SYNRG: variants seen among roughly 807,000 people sequenced by gnomAD.
SYNRG encodes the protein synergin gamma, also known as AP1 gamma subunit binding protein 1.
A neutral mutation model predicts 130.9 loss-of-function variants in SYNRG; 37 were observed. The ratio of observed to expected loss-of-function variants is 0.28; its 90% confidence interval spans 0.22 to 0.37. The LOEUF (loss-of-function observed/expected upper bound fraction) is 0.37. Ranked by LOEUF, SYNRG falls within the 10% of genes least tolerant of loss-of-function variation. SYNRG has a pLI of 1.00. For synonymous variants in SYNRG, 539 were observed against 568.1 expected, an observed-to-expected ratio of 0.95 and a Z score of 0.73; for missense variants, 1,338 against 1,588.9, an observed-to-expected ratio of 0.84 and a Z score of 2.68.
In SYNRG at chr17:37,553,771, G is replaced by T; in HGVS notation, c.1952C>A (p.Ser651Tyr). ...TGCCAATGCTGTCATAGTAGCAGCA[G>T]AACCTGTTGACTGTGGTGTAGAAAC... The part of the protein sequence containing the change: ...KSVSTPQSTG[S>Y]AATMTALAAT... The change falls in exon 14 of 22, where the codon TCT becomes TAT. Residue 651 changes from serine (S) to tyrosine (Y), a missense_variant. Physicochemically the swap from Ser to Tyr is moderately radical, Grantham distance 144. Transcript: ENST00000612223. 1 of 1,612,434 alleles carries T rather than the reference G, an allele frequency of 6.2e-7. No homozygotes were observed. Among genetic ancestry groups the T allele is most frequent in the African/African-American group, 1.3e-5 (1 of 74,876 alleles).
intron 14 of SYNRG, among the ~76,000 whole-genome samples, chr17:37,549,304 A>C (rs138156338): frequency 3.2e-3 from 480 of 152,276 alleles, no homozygotes; most frequent in African/African-American, 0.011. Flanking sequence ...AACCTGAAAA[A>C]CAGTAATATT....
intron 3 of SYNRG, among the ~76,000 whole-genome samples, chr17:37,586,907 T>G (rs991656510): frequency 6.6e-6 from 1 of 152,136 alleles, no homozygotes; most frequent in Non-Finnish European, 1.5e-5. Flanking sequence ...TTATATCTTA[T>G]ATATTTTCAT....
chr17:37,529,727 C>T lies in SYNRG; in HGVS notation c.3666+6252G>A, dbSNP rs2056409023. 6 of 1,514,832 alleles carry T rather than the reference C, an allele frequency of 4.0e-6. No homozygotes were observed. In the Admixed American group the frequency reaches 9.9e-5, roughly 25 times the overall value. 93.8% of individuals were successfully genotyped at this position (1,514,832 alleles called of 1,614,324 possible). A position where few individuals can be genotyped will look rare whatever the true frequency, so the allele number is the denominator to read the frequency against. On this transcript the variant is annotated intron_variant, in intron 19 of 21. Coordinates refer to ENST00000612223, the MANE Select transcript of SYNRG (RefSeq NM_007247.6). Reference sequence around the variant, plus strand: ...CAGCAGCAACCCAGGAATCTCCCCACTTATCCTTTCCCCCAAATTCACAAG... The same window carrying T: ...CAGCAGCAACCCAGGAATCTCCCCATTTATCCTTTCCCCCAAATTCACAAG...
At position 37,518,852 on chromosome 17, in the gene SYNRG, G is replaced by T. The variant is rs889417407; in HGVS notation, c.*88C>A. 7.1e-6 allele frequency: 11 copies of T among 1,542,058 alleles called. No individual in the cohort carries two copies. Among genetic ancestry groups the T allele is most frequent in the Admixed American group, 3.7e-5 (2 of 53,810 alleles). On this transcript the variant is annotated 3_prime_UTR_variant, in exon 22 of 22. Transcript: ENST00000612223. ...TCATATCGATTCAGGGAAGCGAACT[G>T]TGCAGTGCTCGCATTCTATTTATTG...
At chr17:37,544,558 G>A (rs142397179) in intron 14 of SYNRG, among the ~76,000 whole-genome samples, 6 of 152,180 alleles carry the variant, frequency 3.9e-5, no homozygotes, top group Non-Finnish European at 4.4e-5. Flanking sequence ...CAGGTGATCC[G>A]CCCGTCTCGG....
At chr17:37,536,271 T>A (rs1046081198) in intron 18 of SYNRG, 144 bp from the exon 19 acceptor site, 12 of 1,003,908 alleles carry the variant, frequency 1.2e-5, no homozygotes, top group African/African-American at 6.5e-5. Flanking sequence ...TTGGGACCAA[T>A]CCACTTCTCA....
intron 1 of SYNRG, among the ~76,000 whole-genome samples, chr17:37,606,664 T>A (rs1030285651): frequency 4.6e-5 from 7 of 151,982 alleles, no homozygotes; most frequent in Admixed American, 2.0e-4. Context: ...AAAAAAAAAA[T>A]TTATACTTCT....
intron 11 of SYNRG, among the ~76,000 whole-genome samples, chr17:37,566,142 C>T (rs1277296756): frequency 2.0e-5 from 3 of 152,236 alleles, no homozygotes; most frequent in African/African-American, 7.2e-5. Flanking sequence ...TGTGCCCAAC[C>T]GCTCATTGAG....
intron 1 of SYNRG, chr17:37,600,651 G>C (rs146901705): frequency 3.5e-4 from 214 of 607,602 alleles, no homozygotes; most frequent in African/African-American, 2.8e-3. Context: ...CTGTCACTTC[G>C]TGTCCTCTCT....
chr17:37,528,654 A>T (rs2056250968), intron 19 of SYNRG, among the ~76,000 whole-genome samples: 1 of 152,216 alleles, frequency 6.6e-6, no homozygotes, highest in Non-Finnish European at 1.5e-5. Context: ...AGAGTCCTGG[A>T]AGTTTGTATA....
intron 3 of SYNRG, among the ~76,000 whole-genome samples, chr17:37,591,047 G>C (rs1302451079): frequency 6.6e-6 from 1 of 152,024 alleles, no homozygotes; most frequent in Non-Finnish European, 1.5e-5. Flanking sequence ...ATCTGATAAA[G>C]GTAGGACATG....
chr17:37,566,017 G>A (rs1390926541), intron 11 of SYNRG, among the ~76,000 whole-genome samples: 1 of 148,402 alleles, frequency 6.7e-6, no homozygotes, highest in Admixed American at 6.7e-5. Context: ...AGGTGGGGGG[G>A]TCAGCCCCCC....
intron 4 of SYNRG, among the ~76,000 whole-genome samples, chr17:37,586,063 G>C (rs550700359): frequency 2.0e-5 from 3 of 152,038 alleles, no homozygotes; most frequent in Admixed American, 1.3e-4. Flanking sequence ...GCATGATCAC[G>C]GCTGACTGCA....
Position 37,596,285 on chromosome 17 carries a change from T to C in SYNRG, c.178A>G (p.Met60Val), listed in dbSNP as rs2062766050. The stretch of plus-strand genomic sequence containing the variant: ...TAATTCATTCCCATAATGCCTTGCA[T>C]ATTAGGCTGCATGACAGAGACCATA... ...FPMVSVMQPN[M>V]QGIMGMNYSS... The change falls in exon 3 of 22, where the codon ATG becomes GTG. Residue 60 changes from methionine (M) to valine (V), a missense_variant. Physicochemically the swap from Met to Val is conservative, Grantham distance 21 (BLOSUM62 1). Transcript: ENST00000612223. 1.2e-6 allele frequency: 2 copies of C among 1,614,076 alleles called. No individual in the cohort carries two copies. Among genetic ancestry groups the C allele is most frequent in the African/African-American group, 2.7e-5 (2 of 74,934 alleles).
At chr17:37,569,128 G>A (rs189349194) in intron 10 of SYNRG, among the ~76,000 whole-genome samples, 171 of 152,318 alleles carry the variant, frequency 1.1e-3, no homozygotes, top group African/African-American at 3.5e-3. Context: ...AGCTAATTTA[G>A]GCTGGGAGCA....
At position 37,518,911 on chromosome 17, in the gene SYNRG, A is replaced by G; in HGVS notation, c.*29T>C. 6.2e-7 allele frequency: 1 copy of G among 1,606,092 alleles called. No individual in the cohort carries two copies. The highest frequency in any genetic ancestry group is 8.5e-7 in the Non-Finnish European group (1 of 1,176,012). Reference sequence around the variant, plus strand: ...CACCCCGTGGGGTGTCACAGAAAAAAAAAAGTCAATGCTTCACAGAGGAGT... The same window carrying G: ...CACCCCGTGGGGTGTCACAGAAAAAGAAAAGTCAATGCTTCACAGAGGAGT... On this transcript the variant is annotated 3_prime_UTR_variant, in exon 22 of 22. Coordinates refer to ENST00000612223, the MANE Select transcript of SYNRG (RefSeq NM_007247.6).
intron 3 of SYNRG, 109 bp from the exon 4 acceptor site, chr17:37,586,658 T>C (rs2061713532): frequency 8.0e-7 from 1 of 1,251,188 alleles, no homozygotes; most frequent in Non-Finnish European, 1.1e-6. Flanking sequence ...TTGTAAAAAA[T>C]AGAAATATAT....
rs1362761676 is a variant in SYNRG at position 37,518,919 on chromosome 17, A to G, written c.*21T>C. 1 of 1,603,286 alleles carries G rather than the reference A, an allele frequency of 6.2e-7. No individual in the cohort carries two copies. The highest frequency in any genetic ancestry group is 2.2e-5 in the East Asian group (1 of 44,780). ...GGGGTGTCACAGAAAAAAAAAAGTC[A>G]ATGCTTCACAGAGGAGTTGTTCAGA... On this transcript the variant is annotated 3_prime_UTR_variant, in exon 22 of 22. Transcript: ENST00000612223.
intron 4 of SYNRG, 28 bp from the exon 5 acceptor site, chr17:37,585,458 C>T: frequency 6.6e-7 from 1 of 1,521,888 alleles, no homozygotes. Context: ...TAATAAAGAA[C>T]CAGCTCCCGG....
Sources: gnomAD v4.1 joint callset for allele counts (sites outside exome capture counted in the v4.1 genomes callset) on GRCh38, gnomAD v4.1.1 for gene constraint, MANE v1.5 for transcripts, NCBI Gene and HGNC (gene_info 2026-07-23, HGNC 2026-07-21) for gene names.